Variants in C1QTNF3 observed in about 807,000 individuals in gnomAD.
The protein encoded by C1QTNF3 is complement C1q tumor necrosis factor-related protein 3.
C1QTNF3 carries 26 observed loss-of-function variants against 32.6 expected under a neutral mutation model. That is an observed-to-expected ratio of 0.80 (90% CI 0.58 to 1.11). The LOEUF is 1.11. Ranked by LOEUF, C1QTNF3 falls within the 50% of genes least tolerant of loss-of-function variation. C1QTNF3 has a pLI of 0.00. For synonymous variants in C1QTNF3, 155 were observed against 146.0 expected (o/e 1.06, Z -0.44); for missense variants, 362 against 398.2 (o/e 0.91, Z 0.77).
chr5:34,241,669 G>A, the C1QTNF3 span, among the ~76,000 whole-genome samples: 11 of 151,760 alleles, frequency 7.2e-5, no homozygotes, highest in East Asian at 1.9e-4. Context: ...TTGGGAGGCC[G>A]AGGCAGGTAT....
At chr5:34,176,313 T>A in the C1QTNF3 span, among the ~76,000 whole-genome samples, 2 of 148,448 alleles carry the variant, frequency 1.3e-5, no homozygotes, top group Non-Finnish European at 3.0e-5. Context: ...AGATGACGAG[T>A]TAGTGGGTGC....
the C1QTNF3 span, among the ~76,000 whole-genome samples, chr5:34,049,667 G>A: frequency 6.6e-6 from 1 of 152,250 alleles, no homozygotes; most frequent in African/African-American, 2.4e-5. Context: ...ATGGGAGACT[G>A]ATTTTCAGGA....
chr5:34,148,289 G>A, the C1QTNF3 span, among the ~76,000 whole-genome samples: 3 of 135,084 alleles, frequency 2.2e-5, no homozygotes, highest in African/African-American at 8.5e-5. Flanking sequence ...AGGGGCGCCC[G>A]CCATTGCCCA....
the C1QTNF3 span, among the ~76,000 whole-genome samples, chr5:34,174,260 T>C: frequency 3.3e-5 from 5 of 152,196 alleles, no homozygotes; most frequent in Non-Finnish European, 7.3e-5. Flanking sequence ...GGTTTCACCA[T>C]GTTGGCCAGG....
the C1QTNF3 span, chr5:34,239,276 C>CA: frequency 1.3e-5 from 2 of 152,082 alleles, no homozygotes; most frequent in African/African-American, 4.8e-5. Context: ...ATGATAGGAT[C>CA]AAAATCTCAT....
chr5:34,061,648 A>ATAG, the C1QTNF3 span, among the ~76,000 whole-genome samples: 10 of 152,314 alleles, frequency 6.6e-5, no homozygotes, highest in African/African-American at 2.2e-4. Flanking sequence ...GCACCCTCTG[A>ATAG]AGCCATGGCC....
the C1QTNF3 span, among the ~76,000 whole-genome samples, chr5:34,222,631 C>A: frequency 7.8e-4 from 118 of 151,476 alleles, no homozygotes; most frequent in Admixed American, 1.5e-3. Context: ...ATTACTTTAC[C>A]CCTTAAAAGT....
chr5:34,032,436 G>A (rs1297462248), intron 3 of C1QTNF3, among the ~76,000 whole-genome samples: 1 of 152,174 alleles, frequency 6.6e-6, no homozygotes, highest in East Asian at 1.9e-4. Context: ...ACACTGAGTG[G>A]ATGGCTCAAA....
chr5:34,064,244 G>T, the C1QTNF3 span, among the ~76,000 whole-genome samples: 6 of 152,306 alleles, frequency 3.9e-5, no homozygotes, highest in Non-Finnish European at 8.8e-5. Flanking sequence ...GCAAGTGAAA[G>T]GGGTCCAATA....
the C1QTNF3 span, among the ~76,000 whole-genome samples, chr5:34,135,340 C>T: frequency 2.6e-5 from 4 of 152,010 alleles, no homozygotes; most frequent in African/African-American, 2.4e-5. Flanking sequence ...TAAGGATTTT[C>T]GCATTGATGT....
the C1QTNF3 span, among the ~76,000 whole-genome samples, chr5:34,079,394 C>G: frequency 6.6e-6 from 1 of 151,528 alleles, no homozygotes; most frequent in African/African-American, 2.4e-5. Context: ...TTGAGAAATT[C>G]ATATTTTTTT....
chr5:34,156,730 C>A, the C1QTNF3 span, among the ~76,000 whole-genome samples: 1 of 152,050 alleles, frequency 6.6e-6, no homozygotes, highest in Non-Finnish European at 1.5e-5. Flanking sequence ...CCCAAATAAA[C>A]CCAAACAAAA....
rs1754298554 is a variant in C1QTNF3, at chr5:34,020,519, C to A, written c.*64G>T. On this transcript the variant is annotated 3_prime_UTR_variant, in exon 6 of 6. Transcript: ENST00000382065. ...TAAAACCCTCAACTTTAATGTTCCT[C>A]AGATCGTAACAAATCAGCTCAGCTA... The A allele has an allele frequency of 1.3e-6, 2 of 1,555,342 alleles. No homozygotes were observed. The highest frequency in any genetic ancestry group is 4.5e-5 in the East Asian group (2 of 44,256).
chr5:34,033,442 A>G lies in C1QTNF3; in HGVS notation c.432T>C (p.Asn144=). ...CATGACCAGTGGCTCCATTGTTGCC[A>G]TTGTTTCCATGGTTTCCTTAAACAA... ...PPGIPGNHGN[N]GNNGATGHEG... Residue 144 remains asparagine (N), a synonymous_variant, in exon 3 of 6, where the codon AAT becomes AAC. Coordinates refer to ENST00000382065, the MANE Select transcript of C1QTNF3 (RefSeq NM_181435.6). 6.2e-7 allele frequency: 1 copy of G among 1,614,078 alleles called. No homozygotes were observed. Among genetic ancestry groups the G allele is most frequent in the Non-Finnish European group, 8.5e-7 (1 of 1,180,012 alleles).
chr5:34,163,733 A>G, the C1QTNF3 span, among the ~76,000 whole-genome samples: 2 of 152,152 alleles, frequency 1.3e-5, no homozygotes. Context: ...AACAATAATT[A>G]TTATATGCAT....
At chr5:34,078,272 C>G in the C1QTNF3 span, among the ~76,000 whole-genome samples, 1 of 151,590 alleles carries the variant, frequency 6.6e-6, no homozygotes, top group African/African-American at 2.4e-5. This position sits in a 1 kb window ranked among gnomAD's most constrained non-coding sequence, Gnocchi z 4.0. Flanking sequence ...TCATTTGCCT[C>G]CACCGGATAC....
upstream of C1QTNF3, among the ~76,000 whole-genome samples, chr5:34,047,854 A>G (rs1321471826): frequency 3.9e-5 from 6 of 152,224 alleles, no homozygotes; most frequent in Non-Finnish European, 5.9e-5. Flanking sequence ...GAGTGTGTTC[A>G]GAAAGGGGAC....
the C1QTNF3 span, among the ~76,000 whole-genome samples, chr5:34,237,763 T>C: frequency 1.3e-5 from 2 of 152,214 alleles, no homozygotes; most frequent in South Asian, 4.1e-4. Context: ...TTCCCCAGAA[T>C]GGCTCCTAGG....
the C1QTNF3 span, among the ~76,000 whole-genome samples, chr5:34,162,246 C>G: frequency 6.6e-6 from 1 of 152,060 alleles, no homozygotes; most frequent in African/African-American, 2.4e-5. Context: ...TCTCTGTCAT[C>G]CCATGGCAGA....
Sources: allele counts gnomAD v4.1 joint callset (sites outside exome capture counted in the v4.1 genomes callset), GRCh38; gene constraint gnomAD v4.1.1; non-coding constraint Gnocchi (gnomAD v3.1); transcripts MANE v1.5; gene names NCBI Gene and HGNC (gene_info 2026-07-23, HGNC 2026-07-21).